The following MYH14 variants were observed in gnomAD, a reference collection of about 807,000 sequenced individuals.
MYH14 encodes myosin-14.
In MYH14, 123 loss-of-function variants were observed where a neutral mutation model predicts 255.5. That is an observed-to-expected ratio of 0.48 (90% confidence interval 0.42 to 0.56). The LOEUF is 0.56. Among genes scored for constraint, MYH14 ranks in the 20% least tolerant of loss-of-function variants. The pLI, the probability that MYH14 is intolerant of heterozygous loss-of-function variation, is 0.00. For synonymous variants in MYH14, 1,095 were observed against 1,161.2 expected, an observed-to-expected ratio of 0.94 and a Z score of 1.16; for missense variants, 2,423 against 2,802.3, an observed-to-expected ratio of 0.86 and a Z score of 3.06.
chr19:50,224,883 T>C (rs747281076), intron 6 of MYH14: 5 of 456,000 alleles, frequency 1.1e-5, no homozygotes, highest in African/African-American at 2.0e-5. Flanking sequence ...AGTGGGAGGA[T>C]TGCTTGAGGC....
intron 35 of MYH14, among the ~76,000 whole-genome samples, chr19:50,290,293 G>A (rs573081024): frequency 3.3e-5 from 5 of 151,764 alleles, no homozygotes; most frequent in Admixed American, 2.6e-4. Flanking sequence ...GTCAGTCATC[G>A]CTCCCTCGCT....
At chr19:50,249,536 G>C (rs1419128669) in intron 13 of MYH14, 114 bp from the exon 14 acceptor site, 37 of 669,196 alleles carry the variant, frequency 5.5e-5, no homozygotes, top group African/African-American at 3.4e-4. Context: ...CCTCTCTCTG[G>C]GTCTCTGTCC....
chr19:50,302,283 C>CAAAAAAAAAAA (rs1568557708), intron 40 of MYH14, among the ~76,000 whole-genome samples: 2 of 114,172 alleles, frequency 1.8e-5, no homozygotes, highest in African/African-American at 9.1e-5. Flanking sequence ...GACCTTGTCT[C>CAAAAAAAAAAA]TAAAAAAAAA....
chr19:50,291,407 TCTC>T (rs1259106228), intron 36 of MYH14, among the ~76,000 whole-genome samples: 3 of 151,992 alleles, frequency 2.0e-5, no homozygotes, highest in Admixed American at 2.0e-4. Context: ...TTCAAGCAGT[TCTC>T]CTGCCTCAGC....
chr19:50,297,114 T>A (rs2036295840), intron 39 of MYH14, among the ~76,000 whole-genome samples: 1 of 152,090 alleles, frequency 6.6e-6, no homozygotes, highest in Non-Finnish European at 1.5e-5. Flanking sequence ...GCCTCCCAAG[T>A]AGCTGGGACT....
Position 50,276,777 on chromosome 19 carries a change from T to C in MYH14, c.3701T>C (p.Val1234Ala). 1 of 1,613,144 alleles carries C rather than the reference T, an allele frequency of 6.2e-7. No homozygotes were observed. Among genetic ancestry groups the C allele is most frequent in the Non-Finnish European group, 8.5e-7 (1 of 1,179,804 alleles). Residue 1234 changes from valine to alanine, a missense_variant, in exon 29 of 43, where the codon GTG becomes GCG. By Grantham distance (64) the Val-to-Ala change is moderately conservative. Around this residue, in one of 3 missense-constraint regions of MYH14, gnomAD observed 1,513 missense variants for 1,674.8 expected, o/e 0.90. Transcript: ENST00000642316. The surrounding 1 kb of genome is among the most constrained non-coding windows in gnomAD (Gnocchi z 4.3). ...TAAAGGTCCAAGAGGGAACAGGAGG[T>C]GACGGAGCTGAAGAAGACTCTGGAG... ...QELRSKREQE[V>A]TELKKTLEEE...
In MYH14 at chr19:50,293,436, C is replaced by G; in HGVS notation, c.5345+115C>G. 6.5e-7 allele frequency: 1 copy of G among 1,531,336 alleles called. No individual in the cohort carries two copies. The highest frequency in any genetic ancestry group is 8.9e-7 in the Non-Finnish European group (1 of 1,127,692). 94.9% of individuals were successfully genotyped at this position (1,531,336 alleles called of 1,614,324 possible). A position where few individuals can be genotyped will look rare whatever the true frequency, so the allele number is the denominator to read the frequency against. On this transcript the variant is annotated intron_variant, in intron 38 of 42. Transcript: ENST00000642316. This position sits in a 1 kb window ranked among gnomAD's most constrained non-coding sequence, Gnocchi z 4.1. ...GAAACTGGGAGGTGGGCGGGGTTAACCTCGGGGCCCCTGGGGTGTGAGGCT... is the reference window on the plus strand; with the variant it reads ...GAAACTGGGAGGTGGGCGGGGTTAAGCTCGGGGCCCCTGGGGTGTGAGGCT...
At chr19:50,301,963 C>T (rs1282924524) in intron 40 of MYH14, 94 bp downstream of exon 40, 4 of 1,013,850 alleles carry the variant, frequency 3.9e-6, no homozygotes, top group South Asian at 1.5e-5. Flanking sequence ...GGTTTAGAAA[C>T]ATCCAAAAGA....
At position 50,272,868 on chromosome 19, in the gene MYH14, C is replaced by T. The variant is rs560124996; in HGVS notation, c.3467+137C>T. The T allele has an allele frequency of 6.4e-5, 54 of 838,348 alleles. No homozygotes were observed. The Middle Eastern group carries it at 1.1e-3, about 17-fold the overall frequency. The allele number at this position is 838,348 out of a possible 1,614,324, so 51.9% of individuals were successfully genotyped here. A position where few individuals can be genotyped will look rare whatever the true frequency, so the allele number is the denominator to read the frequency against. ...AGCCACAGACAGGCCACATCCCCTC[C>T]GAGCCTCAGTGTCCCCTTCTGTCAA... On this transcript the variant is annotated intron_variant, in intron 27 of 42. Transcript: ENST00000642316.
Position 50,244,309 on chromosome 19 carries a change from C to T in MYH14, c.1182C>T (p.Thr394=), listed in dbSNP as rs749828438. The T allele has an allele frequency of 1.2e-5, 19 of 1,613,536 alleles. No homozygotes were observed. The highest frequency in any genetic ancestry group is 1.1e-4 in the East Asian group (5 of 44,864). The change falls in exon 11 of 43, where the codon ACC becomes ACT. Residue 394 remains threonine (T), a synonymous_variant. Transcript: ENST00000642316. ...GNIALKRERN[T]DQATMPDNTA... is the part of the protein sequence containing the mutation. Reference sequence around the variant, plus strand: ...TTGCCTTGAAGAGAGAACGGAACACCGATCAAGCCACCATGCCTGACAACA... The same window carrying T: ...TTGCCTTGAAGAGAGAACGGAACACTGATCAAGCCACCATGCCTGACAACA...
At chr19:50,235,183 C>G (rs1195467550) in intron 10 of MYH14, among the ~76,000 whole-genome samples, 1 of 151,830 alleles carries the variant, frequency 6.6e-6, no homozygotes, top group East Asian at 1.9e-4. Flanking sequence ...CATGGTGAAA[C>G]CCCGTCTCTA....
chr19:50,250,559 G>C lies in MYH14; in HGVS notation c.1701G>C (p.Trp567Cys). Residue 567 changes from tryptophan to cysteine, a missense_variant, in exon 15 of 43, where the codon TGG becomes TGC. Trp to Cys is a radical substitution (Grantham distance 215, BLOSUM62 -2). Transcript: ENST00000642316. This position sits in a 1 kb window ranked among gnomAD's most constrained non-coding sequence, Gnocchi z 5.4. ...TGGCCCTGCTGGATGAGGAGTGCTG[G>C]TTCCCGAAGGCCACAGACAAGTCGT... is the stretch of plus-strand genomic sequence containing the variant. ...GLLALLDEEC[W>C]FPKATDKSFV... is the part of the protein sequence containing the mutation. The C allele has an allele frequency of 6.2e-7, 1 of 1,613,926 alleles. No homozygotes were observed. Among genetic ancestry groups the C allele is most frequent in the South Asian group, 1.1e-5 (1 of 91,018 alleles).
intron 10 of MYH14, among the ~76,000 whole-genome samples, chr19:50,242,065 T>C (rs2123275922): frequency 6.6e-6 from 1 of 152,266 alleles, no homozygotes; most frequent in Middle Eastern, 3.4e-3. Context: ...TGGACGCAAA[T>C]GTCCAGGGGG....
rs780560401 is a variant in MYH14, at chr19:50,210,569, G to C, written c.204G>C (p.Ala68=). Residue 68 remains alanine, a synonymous_variant, in exon 2 of 43, where the codon GCG becomes GCC. Coordinates refer to ENST00000642316, the MANE Select transcript of MYH14 (RefSeq NM_001145809.2). ...CGGAGCTTCACGGGTTCGAGGCGGCGGCGCTGCGGGACGAAGGCGAGGAGG... is the reference window on the plus strand; with the variant it reads ...CGGAGCTTCACGGGTTCGAGGCGGCCGCGCTGCGGGACGAAGGCGAGGAGG... The part of the protein sequence containing the change: ...VPSELHGFEA[A]ALRDEGEEEA... The C allele has an allele frequency of 6.3e-7, 1 of 1,579,546 alleles. No homozygotes were observed. Among genetic ancestry groups the C allele is most frequent in the Middle Eastern group, 1.7e-4 (1 of 6,022 alleles).
rs1444536256 is a variant in MYH14, at chr19:50,216,427, A to G, written c.406-1188A>G. Among the ~76,000 whole-genome samples the G allele has an allele frequency of 2.6e-5, 4 of 152,148 alleles. No individual in the cohort carries two copies. The East Asian group carries it at 7.7e-4, about 29-fold the overall frequency. On this transcript the variant is annotated intron_variant, in intron 2 of 42. Coordinates refer to ENST00000642316, the MANE Select transcript of MYH14 (RefSeq NM_001145809.2). The stretch of plus-strand genomic sequence containing the variant: ...AGAGCAGCCTGGGCAACGTAGTGAG[A>G]CCCCGTCTCTACTAAAAATAAGAAA...
intron 26 of MYH14, 151 bp from the exon 27 acceptor site, chr19:50,272,409 T>C (rs1600995084): frequency 1.2e-6 from 1 of 831,934 alleles, no homozygotes; most frequent in African/African-American, 1.7e-5. Flanking sequence ...GAAGAGTCCC[T>C]GAGATAGATG....
chr19:50,308,916 G>A, intron 41 of MYH14, 89 bp from the exon 42 acceptor site: 7 of 1,284,750 alleles, frequency 5.4e-6, no homozygotes, highest in South Asian at 1.5e-5. Context: ...TCAGGGGGCA[G>A]TAGGGATGGG....
Position 50,280,147 on chromosome 19 carries a change from C to T in MYH14, c.4137+6C>T, listed in dbSNP as rs761255382. 28 of 1,590,410 alleles carry T rather than the reference C, an allele frequency of 1.8e-5. No homozygotes were observed. The highest frequency in any genetic ancestry group is 2.2e-5 in the Non-Finnish European group (26 of 1,169,312). On this transcript the variant is annotated splice_donor_region_variant and intron_variant, in intron 31 of 42. Coordinates refer to ENST00000642316, the MANE Select transcript of MYH14 (RefSeq NM_001145809.2). The surrounding 1 kb of genome is among the most constrained non-coding windows in gnomAD (Gnocchi z 4.8). ...CCCAGCTGCACGATGCCCAGGTGAC[C>T]CTGCCTGCCCTTCGGCTCCACCGTC...
intron 1 of MYH14, among the ~76,000 whole-genome samples, chr19:50,204,253 A>G (rs1186511708): frequency 6.6e-6 from 1 of 152,196 alleles, no homozygotes; most frequent in Non-Finnish European, 1.5e-5. Context: ...TGGTGACTGC[A>G]GGGGGACCTG....
Sources: allele counts gnomAD v4.1 joint callset (sites outside exome capture counted in the v4.1 genomes callset), GRCh38; gene constraint gnomAD v4.1.1; regional missense constraint gnomAD v4.1.1; non-coding constraint Gnocchi (gnomAD v3.1); transcripts MANE v1.5; gene names NCBI Gene and HGNC (gene_info 2026-07-23, HGNC 2026-07-21).